The following SUCLA2 variants were observed in gnomAD, a reference collection of about 807,000 sequenced individuals.
SUCLA2 encodes succinate-CoA ligase ADP-forming subunit beta, also known as succinate--CoA ligase [ADP-forming] subunit beta, mitochondrial.
Under a neutral mutation model 54.8 loss-of-function variants are expected in SUCLA2, and 30 were observed. The observed-to-expected ratio is 0.55, with a 90% CI of 0.41 to 0.74. The LOEUF is 0.74. Ranked by LOEUF, SUCLA2 falls within the 30% of genes least tolerant of loss-of-function variation. The pLI is 0.00. For missense variants in SUCLA2, 476 were observed against 562.9 expected (o/e 0.85, Z 1.56); for synonymous variants, 172 against 188.9 (o/e 0.91, Z 0.74).
Position 47,988,549 on chromosome 13 carries a change from A to G in SUCLA2, c.526T>C (p.Ser176Pro). ...EYYFAITMER[S>P]FQGPVLIGSS... is the part of the protein sequence containing the mutation. Reference sequence around the variant, plus strand: ...TGTCTACAATTACTCACTTGAAATGACCTTTCCATTGTTATTGCAAAGTAG... The same window carrying G: ...TGTCTACAATTACTCACTTGAAATGGCCTTTCCATTGTTATTGCAAAGTAG... Residue 176 changes from serine to proline, a missense_variant, in exon 4 of 11, where the codon TCA becomes CCA. Coordinates refer to ENST00000646932, the MANE Select transcript of SUCLA2 (RefSeq NM_003850.3). 6.2e-7 allele frequency: 1 copy of G among 1,613,820 alleles called. No individual in the cohort carries two copies. The highest frequency in any genetic ancestry group is 8.5e-7 in the Non-Finnish European group (1 of 1,179,904).
intron 2 of SUCLA2, among the ~76,000 whole-genome samples, chr13:47,989,879 G>T (rs542523914): frequency 7.9e-5 from 12 of 152,332 alleles, no homozygotes; most frequent in Admixed American, 2.6e-4. Context: ...TGTATCAAAA[G>T]ATTTCAGAAT....
At chr13:47,984,162 A>G (rs1950080796) in intron 4 of SUCLA2, among the ~76,000 whole-genome samples, 2 of 152,054 alleles carry the variant, frequency 1.3e-5, no homozygotes, top group African/African-American at 4.8e-5. Context: ...AAGTAGCTGA[A>G]ATTTCAAATA....
chr13:47,961,512 T>C (rs985290081), intron 6 of SUCLA2, among the ~76,000 whole-genome samples: 1 of 111,892 alleles, frequency 8.9e-6, no homozygotes, highest in Non-Finnish European at 2.0e-5. Context: ...TTCAGTCTTT[T>C]TGACCTCAAA....
At chr13:47,951,288 T>C (rs9534879) in intron 8 of SUCLA2, among the ~76,000 whole-genome samples, 104,282 of 143,280 alleles carry the variant, frequency 0.73, 39,212 homozygotes, top group Non-Finnish European at 0.82. Context: ...CAATCTTTTC[T>C]TCTTAAAAGC....
At chr13:47,995,270 T>G (rs1487379010) in intron 2 of SUCLA2, among the ~76,000 whole-genome samples, 1 of 151,722 alleles carries the variant, frequency 6.6e-6, no homozygotes, top group Non-Finnish European at 1.5e-5. Flanking sequence ...ATAAATCAGG[T>G]CCCATTAACA....
rs1491447315 is a variant in SUCLA2, at chr13:47,945,687, A to ACACACACACAC, written c.1318-2243_1318-2242insGTGTGTGTGTG. 1.1e-3 allele frequency: 18 copies of ACACACACACAC among 15,904 alleles called. 1 individual carries two copies. The highest frequency in any genetic ancestry group is 4.6e-3 in the Admixed American group (8 of 1,752). The allele number at this position is 15,904 out of a possible 1,614,324, so 1.0% of individuals were successfully genotyped here. ...ACACACACACACACACACACACACA[A>ACACACACACAC]AGTCCCCCCCTTATCCAATTTCACT... On this transcript the variant is annotated intron_variant, in intron 10 of 10. Transcript: ENST00000646932.
intron 2 of SUCLA2, among the ~76,000 whole-genome samples, chr13:47,996,024 A>G (rs1950187521): frequency 6.6e-6 from 1 of 152,118 alleles, no homozygotes; most frequent in Non-Finnish European, 1.5e-5. Flanking sequence ...CAGTGAACAA[A>G]TAAGAAAAAG....
chr13:47,964,632 C>T (rs575543317), intron 6 of SUCLA2, among the ~76,000 whole-genome samples: 35 of 152,076 alleles, frequency 2.3e-4, no homozygotes, highest in Middle Eastern at 3.4e-3. Context: ...CCAAGGCGGG[C>T]GGATCACAAG....
At chr13:47,992,027 T>C (rs907231791) in intron 2 of SUCLA2, among the ~76,000 whole-genome samples, 1 of 152,218 alleles carries the variant, frequency 6.6e-6, no homozygotes, top group Non-Finnish European at 1.5e-5. Context: ...CCACTATTTA[T>C]TCCACTTGTT....
chr13:47,975,767 A>G (rs1306859946), intron 4 of SUCLA2, among the ~76,000 whole-genome samples: 2 of 152,200 alleles, frequency 1.3e-5, no homozygotes. Flanking sequence ...CTGATAGTTG[A>G]TGCGACCAAG....
intron 6 of SUCLA2, among the ~76,000 whole-genome samples, chr13:47,965,339 A>C (rs1209284576): frequency 6.6e-6 from 1 of 152,076 alleles, no homozygotes; most frequent in Admixed American, 6.5e-5. Flanking sequence ...ACGATCTTAA[A>C]CAAGTGAGCC....
Position 47,943,188 on chromosome 13 carries a change from G to T in SUCLA2, c.*183C>A. 1.5e-6 allele frequency: 1 copy of T among 662,254 alleles called. No individual in the cohort carries two copies. The highest frequency in any genetic ancestry group is 2.7e-6 in the Non-Finnish European group (1 of 367,854). 41.0% of individuals were successfully genotyped at this position (662,254 alleles called of 1,614,324 possible). Reference sequence around the variant, plus strand: ...AAGATAACTGCATTATACATGCTTCGTACAAACAGTCCATTCTGAATGGTA... The same window carrying T: ...AAGATAACTGCATTATACATGCTTCTTACAAACAGTCCATTCTGAATGGTA... On this transcript the variant is annotated 3_prime_UTR_variant, in exon 11 of 11. Coordinates refer to ENST00000646932, the MANE Select transcript of SUCLA2 (RefSeq NM_003850.3).
chr13:47,978,827 AAAC>A (rs1950038263), intron 4 of SUCLA2, among the ~76,000 whole-genome samples: 1 of 152,206 alleles, frequency 6.6e-6, no homozygotes, highest in African/African-American at 2.4e-5. Context: ...TACAAGAAAA[AAAC>A]AACCCCATCA....
intron 6 of SUCLA2, among the ~76,000 whole-genome samples, chr13:47,963,602 G>A (rs557625038): frequency 1.3e-5 from 2 of 152,048 alleles, no homozygotes; most frequent in South Asian, 4.2e-4. Flanking sequence ...CTGAGATCAC[G>A]CCACTGCACT....
intron 6 of SUCLA2, among the ~76,000 whole-genome samples, chr13:47,961,601 T>C (rs1949872029): frequency 6.6e-6 from 1 of 152,198 alleles, no homozygotes; most frequent in Non-Finnish European, 1.5e-5. Flanking sequence ...GTTAGAATTA[T>C]ACAGGAAGCA....
At chr13:47,989,091 T>C (rs1186954596) in intron 2 of SUCLA2, 110 bp from the exon 3 acceptor site, 2 of 1,089,154 alleles carry the variant, frequency 1.8e-6, no homozygotes, top group Middle Eastern at 2.3e-4. Flanking sequence ...AAGTCTAATT[T>C]ATTCACAATG....
chr13:47,989,089 T>C, intron 2 of SUCLA2, 108 bp from the exon 3 acceptor site: 1 of 1,114,490 alleles, frequency 9.0e-7, no homozygotes, highest in East Asian at 2.4e-5. Context: ...TCAAGTCTAA[T>C]TTATTCACAA....
At chr13:47,994,119 G>A (rs1014745130) in intron 2 of SUCLA2, among the ~76,000 whole-genome samples, 10 of 150,744 alleles carry the variant, frequency 6.6e-5, no homozygotes, top group African/African-American at 2.4e-4. Flanking sequence ...TTTGCAGAAA[G>A]TCAAAAAGCA....
intron 1 of SUCLA2, among the ~76,000 whole-genome samples, chr13:47,997,830 T>C (rs1480770603): frequency 6.6e-6 from 1 of 152,232 alleles, no homozygotes; most frequent in Non-Finnish European, 1.5e-5. Flanking sequence ...TAAAGTAGGT[T>C]CATAAGCTTT....
Sources: allele counts gnomAD v4.1 joint callset (sites outside exome capture counted in the v4.1 genomes callset), GRCh38; gene constraint gnomAD v4.1.1; transcripts MANE v1.5; gene names NCBI Gene and HGNC (gene_info 2026-07-23, HGNC 2026-07-21).